The following TNRC6C variants were observed in gnomAD, a reference collection of about 807,000 sequenced individuals.
TNRC6C encodes trinucleotide repeat containing adaptor 6C.
In TNRC6C, 20 loss-of-function variants were observed where a neutral mutation model predicts 153.7. The ratio of observed to expected loss-of-function variants is 0.13; its 90% confidence interval spans 0.09 to 0.19. The LOEUF (loss-of-function observed/expected upper bound fraction) is 0.19. Among genes scored for constraint, TNRC6C ranks in the 10% least tolerant of loss-of-function variants. The probability of loss-of-function intolerance (pLI) is 1.00; values close to 1 mark genes in which losing one functional copy is unlikely to be tolerated. For synonymous variants in TNRC6C, 811 were observed against 841.4 expected, an observed-to-expected ratio of 0.96 and a Z score of 0.63; for missense variants, 1,987 against 2,172.0, an observed-to-expected ratio of 0.91 and a Z score of 1.69.
chr17:77,974,493 A>G, intron 1 of TNRC6C, among the ~76,000 whole-genome samples: 1 of 147,278 alleles, frequency 6.8e-6, no homozygotes, highest in Non-Finnish European at 1.5e-5. Flanking sequence ...CCCCGCCCCA[A>G]AAAAAAAGTA....
chr17:78,078,095 T>C (rs1267636752), intron 9 of TNRC6C, among the ~76,000 whole-genome samples: 1 of 152,188 alleles, frequency 6.6e-6, no homozygotes, highest in East Asian at 1.9e-4. Flanking sequence ...TGTGTGCACA[T>C]TGTCCCAGTG....
At chr17:78,068,663 G>A (rs1216682975) in intron 5 of TNRC6C, among the ~76,000 whole-genome samples, 1 of 152,100 alleles carries the variant, frequency 6.6e-6, no homozygotes, top group Non-Finnish European at 1.5e-5. Flanking sequence ...GCGTGGTGGT[G>A]GGTGCCTGTA....
upstream of TNRC6C, chr17:78,004,357 C>T (rs2071460285): frequency 3.3e-6 from 4 of 1,221,516 alleles, no homozygotes; most frequent in Non-Finnish European, 2.0e-6. Context: ...AGGTTTCATT[C>T]TGTTACTTTT....
intron 2 of TNRC6C, among the ~76,000 whole-genome samples, chr17:78,040,050 C>T (rs1250042235): frequency 1.3e-5 from 2 of 152,202 alleles, no homozygotes; most frequent in African/African-American, 4.8e-5. Flanking sequence ...GCCCTGGTTC[C>T]AGGTTCTCTT....
chr17:78,059,184 C>T (rs1442496291), intron 3 of TNRC6C, among the ~76,000 whole-genome samples: 2 of 152,230 alleles, frequency 1.3e-5, no homozygotes, highest in Non-Finnish European at 2.9e-5. Context: ...GATCCTGTTA[C>T]AGCTCAGCTG....
intron 15 of TNRC6C, 140 bp downstream of exon 17, chr17:78,093,264 T>A: frequency 2.0e-6 from 2 of 996,000 alleles, no homozygotes; most frequent in Non-Finnish European, 2.9e-6. Flanking sequence ...GCATTTTCCT[T>A]GGAAATCCAT....
chr17:77,988,194 T>C (rs549342331), intron 1 of TNRC6C, among the ~76,000 whole-genome samples: 1 of 152,218 alleles, frequency 6.6e-6, no homozygotes, highest in Admixed American at 6.5e-5. Context: ...TCAAAAAATA[T>C]GAGACCTTGT....
chr17:78,060,468 C>CTTTT (rs975826787), intron 3 of TNRC6C, among the ~76,000 whole-genome samples: 4 of 125,974 alleles, frequency 3.2e-5, no homozygotes, highest in African/African-American at 6.0e-5. Context: ...AATCGTTTAT[C>CTTTT]TTTTTTTTTT....
chr17:78,025,360 C>G (rs1202822204), intron 1 of TNRC6C, among the ~76,000 whole-genome samples: 1 of 152,156 alleles, frequency 6.6e-6, no homozygotes, highest in Non-Finnish European at 1.5e-5. Context: ...ACTGTACTTT[C>G]CTGATTGGCT....
At chr17:78,040,546 G>A (rs1412380924) in intron 2 of TNRC6C, among the ~76,000 whole-genome samples, 1 of 152,134 alleles carries the variant, frequency 6.6e-6, no homozygotes, top group Non-Finnish European at 1.5e-5. Context: ...GCTAGTGTTG[G>A]CATGCCAAAT....
chr17:78,078,725 G>A (rs2073126383), intron 9 of TNRC6C, among the ~76,000 whole-genome samples: 1 of 152,254 alleles, frequency 6.6e-6, no homozygotes, highest in South Asian at 2.1e-4. Flanking sequence ...AGCACTTTGG[G>A]AGGCTGAGGT....
chr17:78,077,254 T>G, exon 9 of TNRC6C: 1 of 1,600,402 alleles, frequency 6.2e-7, no homozygotes, highest in East Asian at 2.3e-5. Flanking sequence ...GCTCCCCCTT[T>G]CACACAGTGC....
At chr17:78,073,145 C>A in intron 7 of TNRC6C, 51 bp downstream of exon 9, 2 of 1,461,620 alleles carry the variant, frequency 1.4e-6, no homozygotes, top group East Asian at 2.5e-5. Context: ...TGAAGTTTTA[C>A]TTTCCAGAAG....
intron 1 of TNRC6C, among the ~76,000 whole-genome samples, chr17:78,027,959 G>A (rs1489367065): frequency 6.7e-6 from 1 of 149,348 alleles, no homozygotes; most frequent in African/African-American, 2.5e-5. Flanking sequence ...GCAGTGGTGC[G>A]ATCTCCGCTC....
intron 1 of TNRC6C, among the ~76,000 whole-genome samples, chr17:77,992,673 C>T (rs1249657820): frequency 2.0e-5 from 3 of 152,180 alleles, no homozygotes; most frequent in Non-Finnish European, 4.4e-5. Context: ...CCTACCCTGG[C>T]ACACACATGC....
chr17:78,008,779 TATCTAAAGAG>T (rs1194107184), intron 1 of TNRC6C: 2 of 152,164 alleles, frequency 1.3e-5, no homozygotes, highest in Non-Finnish European at 2.9e-5. Flanking sequence ...AATTTGAGAT[TATCTAAAGAG>T]AAATTAAAGT....
chr17:77,960,422 C>G (rs562610135), intron 1 of TNRC6C, among the ~76,000 whole-genome samples: 2 of 152,176 alleles, frequency 1.3e-5, no homozygotes, highest in Non-Finnish European at 2.9e-5. Context: ...CTGTGAGAGC[C>G]TCGTACGTCC....
intron 1 of TNRC6C, among the ~76,000 whole-genome samples, chr17:78,019,531 T>C (rs1171640321): frequency 2.6e-5 from 4 of 152,222 alleles, no homozygotes; most frequent in Admixed American, 6.5e-5. Flanking sequence ...GTTGCTTTCT[T>C]ATATAAAGAG....
chr17:77,980,969 G>A (rs1401441638), intron 1 of TNRC6C, among the ~76,000 whole-genome samples: 1 of 151,970 alleles, frequency 6.6e-6, no homozygotes, highest in Non-Finnish European at 1.5e-5. Flanking sequence ...GTTTTGTTTT[G>A]TTATGTTTTT....
Sources: allele counts gnomAD v4.1 joint callset (sites outside exome capture counted in the v4.1 genomes callset), GRCh38; gene constraint gnomAD v4.1.1; transcripts MANE v1.5; gene names NCBI Gene and HGNC (gene_info 2026-07-23, HGNC 2026-07-21).